VMAC: variants seen among roughly 807,000 people sequenced by gnomAD.
VMAC encodes the protein vimentin-type intermediate filament-associated coiled-coil protein.
VMAC carries 8 observed loss-of-function variants against 4.8 expected under a neutral mutation model. That is an observed-to-expected ratio of 1.68 (90% CI 0.99 to 3.03). The LOEUF is 3.03. Ranked by LOEUF, VMAC falls within the 30% of genes most tolerant of loss-of-function variation. The pLI, the probability that VMAC is intolerant of heterozygous loss-of-function variation, is 0.00. For synonymous variants in VMAC, 96 were observed against 113.7 expected (o/e 0.84, Z 0.99); for missense variants, 248 against 245.1 (o/e 1.01, Z -0.08).
intron 1 of VMAC, among the ~76,000 whole-genome samples, chr19:5,906,099 G>A (rs1245229310): frequency 4.6e-5 from 7 of 151,950 alleles, no homozygotes; most frequent in Admixed American, 2.6e-4. Flanking sequence ...TCAAGTAGCT[G>A]GGATTACAGG....
In VMAC at chr19:5,908,046, C is replaced by T. The variant is rs2057685053; in HGVS notation, c.192-778C>T. ...CTTCATCATATGAATTTTGGGGAGA[C>T]AGAAAGATGCAGTTCAGGCTGGGTA... is the stretch of plus-strand genomic sequence containing the variant. On this transcript the variant is annotated intron_variant, in intron 1 of 1. Transcript: ENST00000339485. This position sits in a 1 kb window ranked among gnomAD's most constrained non-coding sequence, Gnocchi z 4.5. 6.6e-6 allele frequency among the ~76,000 whole-genome samples: 1 copy of T among 152,156 alleles called. No homozygotes were observed. Among genetic ancestry groups the T allele is most frequent in the African/African-American group, 2.4e-5 (1 of 41,430 alleles).
intron 1 of VMAC, among the ~76,000 whole-genome samples, chr19:5,907,349 C>T (rs1051741983): frequency 1.3e-4 from 20 of 152,104 alleles, no homozygotes; most frequent in Non-Finnish European, 2.5e-4. Flanking sequence ...CTTTGTGTTT[C>T]CACCCAAATG....
At chr19:5,906,222 A>G (rs1005423687) in intron 1 of VMAC, among the ~76,000 whole-genome samples, 2 of 152,110 alleles carry the variant, frequency 1.3e-5, no homozygotes, top group Admixed American at 1.3e-4. Context: ...CTCCTGCCTC[A>G]GCCTCCCGAA....
At position 5,909,330 on chromosome 19, in the gene VMAC, A is replaced by G. The variant is rs113677644; in HGVS notation, c.*188A>G. On this transcript the variant is annotated 3_prime_UTR_variant, in exon 2 of 2. Coordinates refer to ENST00000339485, the MANE Select transcript of VMAC (RefSeq NM_001017921.4). ...AGGTGCAGACGTTTAACCCAGACAG[A>G]AGTGTTCTTGTTTGTTTTTAAGCTT... 5.2e-5 allele frequency: 30 copies of G among 577,736 alleles called. No individual in the cohort carries two copies. Among genetic ancestry groups the G allele is most frequent in the African/African-American group, 4.5e-4 (23 of 51,494 alleles). 35.8% of individuals were successfully genotyped at this position (577,736 alleles called of 1,614,324 possible). A position where few individuals can be genotyped will look rare whatever the true frequency, so the allele number is the denominator to read the frequency against.
Position 5,908,933 on chromosome 19 carries a change from G to A in VMAC, c.301G>A (p.Ala101Thr). 6.2e-7 allele frequency: 1 copy of A among 1,613,644 alleles called. No homozygotes were observed. ...DELIRQLQPR[A>T]ELLQDICRRR... ...GCTCATTAGGCAGTTGCAGCCCCGG[G>A]CTGAGCTGCTGCAGGACATCTGCCG... is the stretch of plus-strand genomic sequence containing the variant. Residue 101 changes from alanine to threonine, a missense_variant, in exon 2 of 2, where the codon GCT becomes ACT. Ala to Thr is a moderately conservative substitution (Grantham distance 58). Coordinates refer to ENST00000339485, the MANE Select transcript of VMAC (RefSeq NM_001017921.4). The surrounding 1 kb of genome is among the most constrained non-coding windows in gnomAD (Gnocchi z 4.5).
chr19:5,907,610 T>TAAAAAAAAAAAAAAAAAAAAAAAAA (rs771762988), intron 1 of VMAC, among the ~76,000 whole-genome samples: 8 of 18,690 alleles, frequency 4.3e-4, no homozygotes, highest in South Asian at 2.0e-3. Context: ...CTGTCTCTAC[T>TAAAAAAAAAAAAAAAAAAAAAAAAA]AAAAAAAAAA....
Position 5,905,092 on chromosome 19 carries a change from G to A in VMAC, c.191+11G>A. 1 of 1,340,080 alleles carries A rather than the reference G, an allele frequency of 7.5e-7. No individual in the cohort carries two copies. Among genetic ancestry groups the A allele is most frequent in the Non-Finnish European group, 9.5e-7 (1 of 1,050,376 alleles). 83.0% of individuals were successfully genotyped at this position (1,340,080 alleles called of 1,614,324 possible). ...TCGCGCCAAGGACCGGTGAGGCCCG[G>A]GGCCGGCCAGGTGGACTTCACCGAG... On this transcript the variant is annotated intron_variant, in intron 1 of 1. Coordinates refer to ENST00000339485, the MANE Select transcript of VMAC (RefSeq NM_001017921.4).
rs866543808 is a variant in VMAC, at chr19:5,905,003, A to G, written c.113A>G (p.His38Arg). The G allele has an allele frequency of 6.5e-5, 94 of 1,441,000 alleles. 2 individuals are homozygous for G. The Middle Eastern group carries it at 4.8e-3, about 74-fold the overall frequency. The allele number at this position is 1,441,000 out of a possible 1,614,324, so 89.3% of individuals were successfully genotyped here. ...ARLDAAERTV[H>R]AQAERLALHD... ...CTGGACGCGGCGGAGCGCACGGTGC[A>G]CGCCCAAGCCGAGCGCCTGGCCCTC... is the stretch of plus-strand genomic sequence containing the variant. Residue 38 changes from histidine to arginine, a missense_variant, in exon 1 of 2, where the codon CAC becomes CGC. By Grantham distance (29) the His-to-Arg change is conservative. Transcript: ENST00000339485.
chr19:5,909,047 C>A lies in VMAC; in HGVS notation c.415C>A (p.Pro139Thr). Residue 139 changes from proline to threonine, a missense_variant, in exon 2 of 2, where the codon CCC becomes ACC. Pro to Thr is a conservative substitution (Grantham distance 38). Coordinates refer to ENST00000339485, the MANE Select transcript of VMAC (RefSeq NM_001017921.4). ...PLPASDPGHPPPGGPGPPLDN... is the reference protein window; with the variant it reads ...PLPASDPGHPTPGGPGPPLDN... ...GCCGGCCAGTGACCCCGGCCACCCA[C>A]CCCCCGGTGGGCCTGGTCCACCCCT... The A allele has an allele frequency of 6.4e-7, 1 of 1,566,856 alleles. No individual in the cohort carries two copies. Among genetic ancestry groups the A allele is most frequent in the Non-Finnish European group, 8.6e-7 (1 of 1,158,658 alleles).
intron 1 of VMAC, among the ~76,000 whole-genome samples, chr19:5,907,163 C>T (rs1408149283): frequency 2.6e-5 from 4 of 152,196 alleles, no homozygotes; most frequent in African/African-American, 4.8e-5. Flanking sequence ...TCCGGGCTTG[C>T]AGATTTCTGG....
rs767010168 is a variant in VMAC at position 5,908,897 on chromosome 19, C to T, written c.265C>T (p.Gln89Ter). 6.2e-7 allele frequency: 1 copy of T among 1,613,976 alleles called. No individual in the cohort carries two copies. Among genetic ancestry groups the T allele is most frequent in the Non-Finnish European group, 8.5e-7 (1 of 1,179,996 alleles). ...CCACAGCCTGCAGGCCACCGTGCAC[C>T]AGAGGGACGAGCTCATTAGGCAGTT... ...TVHSLQATVHQRDELIRQLQP... is the reference protein window; with the variant it reads ...TVHSLQATVH The change falls in exon 2 of 2, where the codon CAG becomes TAG. Residue 89 changes from glutamine to a stop codon, truncating the protein, a stop_gained. Transcript: ENST00000339485. LOFTEE classifies it low-confidence loss of function (END_TRUNC). The surrounding 1 kb of genome is among the most constrained non-coding windows in gnomAD (Gnocchi z 4.5).
rs771762988 is a variant in VMAC, at chr19:5,907,610, TAAAAA to T, written c.192-1192_192-1188del. 1.9e-3 allele frequency among the ~76,000 whole-genome samples: 35 copies of T among 18,688 alleles called. 3 individuals carry two copies. The highest frequency in any genetic ancestry group is 0.012 in the East Asian group (7 of 564). The allele number at this position is 18,688 out of a possible 152,430, so 12.3% of individuals were successfully genotyped here. ...CAACATGGTGAAACCCTGTCTCTAC[TAAAAA>T]AAAAAAAAAAAAAAAAAAAAATTAG... On this transcript the variant is annotated intron_variant, in intron 1 of 1. Coordinates refer to ENST00000339485, the MANE Select transcript of VMAC (RefSeq NM_001017921.4).
chr19:5,904,878 A>G lies in VMAC; in HGVS notation c.-13A>G. The G allele has an allele frequency of 6.8e-7, 1 of 1,462,394 alleles. No homozygotes were observed. Among genetic ancestry groups the G allele is most frequent in the Non-Finnish European group, 9.0e-7 (1 of 1,117,272 alleles). 90.6% of individuals were successfully genotyped at this position (1,462,394 alleles called of 1,614,324 possible). A position where few individuals can be genotyped will look rare whatever the true frequency, so the allele number is the denominator to read the frequency against. ...CCTGGGGGCGTGGCCGGGCCTGTAC[A>G]GCAGCCTGGGCCATGTCGGCGCCGC... On this transcript the variant is annotated 5_prime_UTR_variant, in exon 1 of 2. Coordinates refer to ENST00000339485, the MANE Select transcript of VMAC (RefSeq NM_001017921.4).
chr19:5,907,432 G>A (rs1247561446), intron 1 of VMAC, among the ~76,000 whole-genome samples: 1 of 151,536 alleles, frequency 6.6e-6, no homozygotes, highest in Non-Finnish European at 1.5e-5. Context: ...GAATCATGGG[G>A]GATGGTTTCC....
In VMAC at chr19:5,905,013, C is replaced by G; in HGVS notation, c.123C>G (p.Ala41=). The change falls in exon 1 of 2, where the codon GCC becomes GCG. Residue 41 remains alanine, a synonymous_variant. Coordinates refer to ENST00000339485, the MANE Select transcript of VMAC (RefSeq NM_001017921.4). ...CGGAGCGCACGGTGCACGCCCAAGC[C>G]GAGCGCCTGGCCCTCCACGACCAGC... ...DAAERTVHAQ[A]ERLALHDQQL... 1 of 1,425,262 alleles carries G rather than the reference C, an allele frequency of 7.0e-7. No homozygotes were observed. The highest frequency in any genetic ancestry group is 9.1e-7 in the Non-Finnish European group (1 of 1,099,134). The allele number at this position is 1,425,262 out of a possible 1,614,324, so 88.3% of individuals were successfully genotyped here.
At chr19:5,907,673 C>G (rs113373500) in intron 1 of VMAC, among the ~76,000 whole-genome samples, 296 of 147,742 alleles carry the variant, frequency 2.0e-3, no homozygotes, top group African/African-American at 7.2e-3. Context: ...GCAGTCCCAG[C>G]TACTGGGGAG....
At position 5,908,368 on chromosome 19, in the gene VMAC, G is replaced by A. The variant is rs2057686190; in HGVS notation, c.192-456G>A. On this transcript the variant is annotated intron_variant, in intron 1 of 1. Coordinates refer to ENST00000339485, the MANE Select transcript of VMAC (RefSeq NM_001017921.4). The surrounding 1 kb of genome is among the most constrained non-coding windows in gnomAD (Gnocchi z 4.5). ...GTGGTGGCTCACGCCTGTAATCCCA[G>A]CACTTTGAGAGGCCATGGCGGGTGG... Among the ~76,000 whole-genome samples, 1 of 151,844 alleles carries A rather than the reference G, an allele frequency of 6.6e-6. No homozygotes were observed. Among genetic ancestry groups the A allele is most frequent in the Non-Finnish European group, 1.5e-5 (1 of 67,980 alleles).
At position 5,909,230 on chromosome 19, in the gene VMAC, C is replaced by T. The variant is rs371566095; in HGVS notation, c.*88C>T. 58 of 1,411,628 alleles carry T rather than the reference C, an allele frequency of 4.1e-5. No individual in the cohort carries two copies. The African/African-American group carries it at 6.0e-4, about 15-fold the overall frequency. The allele number at this position is 1,411,628 out of a possible 1,614,324, so 87.4% of individuals were successfully genotyped here. The stretch of plus-strand genomic sequence containing the variant: ...ACCAGCACCCTGCAGGGGGACCCTA[C>T]GGCAGAGCCAAAGTCCTGTCTAAGC... On this transcript the variant is annotated 3_prime_UTR_variant, in exon 2 of 2. Coordinates refer to ENST00000339485, the MANE Select transcript of VMAC (RefSeq NM_001017921.4).
At position 5,909,083 on chromosome 19, in the gene VMAC, A is replaced by G; in HGVS notation, c.451A>G (p.Thr151Ala). 1 of 1,558,970 alleles carries G rather than the reference A, an allele frequency of 6.4e-7. No individual in the cohort carries two copies. Among genetic ancestry groups the G allele is most frequent in the African/African-American group, 1.4e-5 (1 of 73,814 alleles). Residue 151 changes from threonine to alanine, a missense_variant, in exon 2 of 2, where the codon ACT becomes GCT. Thr to Ala is a moderately conservative substitution (Grantham distance 58). Coordinates refer to ENST00000339485, the MANE Select transcript of VMAC (RefSeq NM_001017921.4). ...GCCTGGTCCACCCCTTGACAACAGC[A>G]CTGGGGAAGAGGCGGACAGGGACCA... ...GGPGPPLDNS[T>A]GEEADRDHLQ...
Sources: gnomAD v4.1 joint callset for allele counts (sites outside exome capture counted in the v4.1 genomes callset) on GRCh38, gnomAD v4.1.1 for gene constraint, Gnocchi (gnomAD v3.1) non-coding constraint, MANE v1.5 for transcripts, NCBI Gene and HGNC (gene_info 2026-07-23, HGNC 2026-07-21) for gene names.